Variants in C1GALT1 observed in about 807,000 individuals in gnomAD.
The protein encoded by C1GALT1 is core 1 synthase, glycoprotein-N-acetylgalactosamine 3-beta-galactosyltransferase 1.
Under a neutral mutation model 31.0 loss-of-function variants are expected in C1GALT1, and 11 were observed. The ratio of observed to expected loss-of-function variants is 0.36; its 90% CI spans 0.22 to 0.59. The LOEUF (loss-of-function observed/expected upper bound fraction) is 0.59, where lower values mean the gene tolerates loss of function less well. C1GALT1 is among the 20% of genes least tolerant of loss of function. The pLI is 0.79. For synonymous variants in C1GALT1, 175 were observed against 143.6 expected, an observed-to-expected ratio of 1.22 and a Z score of -1.56; for missense variants, 424 against 425.2, an observed-to-expected ratio of 1.00 and a Z score of 0.03.
intron 1 of C1GALT1, among the ~76,000 whole-genome samples, chr7:7,213,376 T>G (rs908862365): frequency 2.0e-5 from 3 of 152,218 alleles, no homozygotes; most frequent in African/African-American, 7.2e-5. Flanking sequence ...AGCATGTACT[T>G]CGGCATTAGA....
At chr7:7,182,368 G>C (rs1780620393), upstream of C1GALT1, among the ~76,000 whole-genome samples, 1 of 152,196 alleles carries the variant, frequency 6.6e-6, no homozygotes, top group Non-Finnish European at 1.5e-5. Flanking sequence ...GCCGCAAGGG[G>C]GATACAACAA....
chr7:7,186,572 G>C (rs1780824644), intron 1 of C1GALT1, among the ~76,000 whole-genome samples: 1 of 152,190 alleles, frequency 6.6e-6, no homozygotes, highest in Non-Finnish European at 1.5e-5. Context: ...AGATGGAAAA[G>C]AGACAGTAAA....
chr7:7,214,332 C>CCT (rs1782135076), intron 1 of C1GALT1, among the ~76,000 whole-genome samples: 1 of 152,030 alleles, frequency 6.6e-6, no homozygotes, highest in Non-Finnish European at 1.5e-5. Context: ...TATCTTAGGA[C>CCT]CTCTCATGCA....
chr7:7,207,584 A>G (rs1781806190), intron 1 of C1GALT1, among the ~76,000 whole-genome samples: 1 of 151,642 alleles, frequency 6.6e-6, no homozygotes, highest in African/African-American at 2.4e-5. Flanking sequence ...AAGTTGTTTT[A>G]TAGTCTTTGT....
intron 1 of C1GALT1, among the ~76,000 whole-genome samples, chr7:7,227,500 C>T (rs894135226): frequency 1.3e-5 from 2 of 152,060 alleles, no homozygotes; most frequent in Non-Finnish European, 2.9e-5. Context: ...GCGGGCGGAT[C>T]ACGAGGTCGG....
chr7:7,159,968 A>G (rs1780316395), intron 2 of C1GALT1, among the ~76,000 whole-genome samples: 1 of 152,150 alleles, frequency 6.6e-6, no homozygotes, highest in South Asian at 2.1e-4. Context: ...CTCACATCCT[A>G]GGGAGCTTTG....
chr7:7,242,093 A>T (rs554336044), intron 3 of C1GALT1, among the ~76,000 whole-genome samples: 2 of 151,902 alleles, frequency 1.3e-5, no homozygotes, highest in Admixed American at 1.3e-4. Flanking sequence ...CCAAATTGAG[A>T]TATGCTGTAA....
chr7:7,221,536 G>T (rs1477092734), intron 1 of C1GALT1, among the ~76,000 whole-genome samples: 1 of 152,132 alleles, frequency 6.6e-6, no homozygotes, highest in Non-Finnish European at 1.5e-5. Flanking sequence ...ATTGATAACT[G>T]GTGTTGGTAA....
chr7:7,223,540 TTG>T (rs1397731401), intron 1 of C1GALT1, among the ~76,000 whole-genome samples: 2 of 152,196 alleles, frequency 1.3e-5, no homozygotes, highest in Non-Finnish European at 2.9e-5. Flanking sequence ...ATTTCTCCAT[TTG>T]TGAGTTTTAT....
At chr7:7,193,614 G>A (rs1040492932) in intron 1 of C1GALT1, among the ~76,000 whole-genome samples, 1 of 151,892 alleles carries the variant, frequency 6.6e-6, no homozygotes, top group Admixed American at 6.6e-5. Flanking sequence ...TGTGGGTTTT[G>A]GGGGGTTGTT....
At chr7:7,216,956 CTG>C (rs2128240832) in intron 1 of C1GALT1, among the ~76,000 whole-genome samples, 1 of 148,478 alleles carries the variant, frequency 6.7e-6, no homozygotes, top group South Asian at 2.2e-4. Context: ...TTTTCCTAAA[CTG>C]TAAGTATTCC....
intron 2 of C1GALT1, among the ~76,000 whole-genome samples, chr7:7,176,137 A>G (rs984663938): frequency 2.0e-5 from 3 of 152,160 alleles, no homozygotes; most frequent in Admixed American, 6.5e-5. Flanking sequence ...TAGGTAAAGT[A>G]TTTGCCCAAG....
chr7:7,193,414 C>T (rs1290999839), intron 1 of C1GALT1, among the ~76,000 whole-genome samples: 2 of 152,110 alleles, frequency 1.3e-5, no homozygotes, highest in Admixed American at 1.3e-4. Context: ...AATAGGGTGT[C>T]CTTTCCCCAC....
chr7:7,181,267 T>TGGAAGGATATTGCGGAAAGGG (rs1562555765), upstream of C1GALT1, among the ~76,000 whole-genome samples: 2 of 151,118 alleles, frequency 1.3e-5, no homozygotes, highest in African/African-American at 2.4e-5. Context: ...TGCGGAAAGG[T>TGGAAGGATATTGCGGAAAGGG]GGAGGGGGAG....
chr7:7,205,378 G>C (rs1781695870), intron 1 of C1GALT1, among the ~76,000 whole-genome samples: 1 of 152,068 alleles, frequency 6.6e-6, no homozygotes, highest in South Asian at 2.1e-4. Flanking sequence ...TATTTACTGT[G>C]TTCTTATGAT....
At chr7:7,174,682 G>A (rs1780486237) in intron 2 of C1GALT1, among the ~76,000 whole-genome samples, 1 of 151,908 alleles carries the variant, frequency 6.6e-6, no homozygotes, top group Non-Finnish European at 1.5e-5. Flanking sequence ...AGTAATTTCA[G>A]TGGTCTTATC....
At chr7:7,187,719 G>A (rs1052070624) in intron 1 of C1GALT1, among the ~76,000 whole-genome samples, 3 of 152,128 alleles carry the variant, frequency 2.0e-5, no homozygotes, top group African/African-American at 7.2e-5. Context: ...AGAGGTTGGT[G>A]GGAAGCAAGT....
chr7:7,224,181 G>GTAT (rs767798655), intron 1 of C1GALT1, among the ~76,000 whole-genome samples: 10 of 151,476 alleles, frequency 6.6e-5, no homozygotes, highest in Admixed American at 3.3e-4. Flanking sequence ...ACTTCATTAA[G>GTAT]TATTAGTACT....
chr7:7,174,276 G>A (rs1034506744), intron 2 of C1GALT1, among the ~76,000 whole-genome samples: 1 of 152,312 alleles, frequency 6.6e-6, no homozygotes, highest in East Asian at 1.9e-4. Flanking sequence ...ACATAAAAGC[G>A]CATCTTGGTT....
Sources: gnomAD v4.1 joint callset for allele counts (sites outside exome capture counted in the v4.1 genomes callset) on GRCh38, gnomAD v4.1.1 for gene constraint, MANE v1.5 for transcripts, NCBI Gene and HGNC (gene_info 2026-07-23, HGNC 2026-07-21) for gene names.